Variants in MAML3 observed in about 807,000 individuals in gnomAD.
MAML3 encodes the protein mastermind like transcriptional coactivator 3, also known as mastermind-like protein 3.
MAML3 carries 27 observed loss-of-function variants against 101.9 expected under a neutral mutation model. The observed-to-expected ratio is 0.27, with a 90% CI of 0.20 to 0.37. The LOEUF (loss-of-function observed/expected upper bound fraction) is 0.37. MAML3 is among the 10% of genes least tolerant of loss of function. The pLI, the probability that MAML3 is intolerant of heterozygous loss-of-function variation, is 1.00. For missense variants in MAML3, 1,316 were observed against 1,444.9 expected, an observed-to-expected ratio of 0.91 and a Z score of 1.45; for synonymous variants, 501 against 555.9, an observed-to-expected ratio of 0.90 and a Z score of 1.39.
intron 1 of MAML3, among the ~76,000 whole-genome samples, chr4:140,060,510 T>A (rs1236809650): frequency 2.0e-5 from 3 of 152,038 alleles, no homozygotes; most frequent in Non-Finnish European, 4.4e-5. Flanking sequence ...TATAAGAATT[T>A]CTTTGAACAG....
chr4:139,792,993 G>T (rs1177188028), intron 2 of MAML3, among the ~76,000 whole-genome samples: 1 of 151,978 alleles, frequency 6.6e-6, no homozygotes, highest in East Asian at 1.9e-4. Flanking sequence ...TGATCCGCCC[G>T]CCTCGGCCTC....
rs1239534891 is a variant in MAML3 at position 139,785,539 on chromosome 4, G to C, written c.2080-54872C>G. Among the ~76,000 whole-genome samples the C allele has an allele frequency of 6.6e-6, 1 of 152,174 alleles. No homozygotes were observed. The highest frequency in any genetic ancestry group is 1.9e-4 in the East Asian group (1 of 5,198). On this transcript the variant is annotated intron_variant, in intron 2 of 4. Transcript: ENST00000509479. This position sits in a 1 kb window ranked among gnomAD's most constrained non-coding sequence, Gnocchi z 4.3. The stretch of plus-strand genomic sequence containing the variant: ...GGAACAGGTTGCATGTGGTTGCTGG[G>C]CTGTTGCTTGGCTGGTGCTGCACTG...
At chr4:139,877,742 T>A (rs1245071121) in intron 2 of MAML3, among the ~76,000 whole-genome samples, 2 of 152,148 alleles carry the variant, frequency 1.3e-5, no homozygotes, top group African/African-American at 2.4e-5. Context: ...AAGTAGTACC[T>A]CAGAAAACTG....
intron 1 of MAML3, among the ~76,000 whole-genome samples, chr4:139,935,298 T>G (rs1018441252): frequency 1.3e-5 from 2 of 151,874 alleles, no homozygotes; most frequent in Non-Finnish European, 2.9e-5. Flanking sequence ...CAGCCATAAG[T>G]GCAATAAATG....
At position 139,798,088 on chromosome 4, in the gene MAML3, G is replaced by C. The variant is rs543706526; in HGVS notation, c.2080-67421C>G. 5.2e-5 allele frequency among the ~76,000 whole-genome samples: 6 copies of C among 114,464 alleles called. No homozygotes were observed. The South Asian group carries it at 1.9e-3, about 37-fold the overall frequency. 75.1% of individuals were successfully genotyped at this position (114,464 alleles called of 152,430 possible). On this transcript the variant is annotated intron_variant, in intron 2 of 4. Transcript: ENST00000509479. ...AGAAAGAAAGAAAGAAAGAAAGAAAGAAAGAAAAGGGATTAAGAAAGCATG... is the reference window on the plus strand; with the variant it reads ...AGAAAGAAAGAAAGAAAGAAAGAAACAAAGAAAAGGGATTAAGAAAGCATG...
intron 1 of MAML3, among the ~76,000 whole-genome samples, chr4:139,949,535 T>A (rs1284504793): frequency 6.6e-6 from 1 of 152,244 alleles, no homozygotes; most frequent in Non-Finnish European, 1.5e-5. Flanking sequence ...CAGTCTGGCT[T>A]GTAACATAAC....
intron 3 of MAML3, 93 bp from the exon 4 acceptor site, chr4:139,725,928 TC>T: frequency 2.0e-6 from 2 of 1,013,036 alleles, no homozygotes; most frequent in Non-Finnish European, 3.0e-6. Flanking sequence ...GGTAGTGTTT[TC>T]CCCAAAACTA....
chr4:140,093,977 C>G (rs1728107519), intron 1 of MAML3, among the ~76,000 whole-genome samples: 1 of 152,196 alleles, frequency 6.6e-6, no homozygotes, highest in African/African-American at 2.4e-5. Context: ...GTAACCACAG[C>G]AGGAGGGCCA....
chr4:140,110,797 C>T (rs1191103519), intron 1 of MAML3, among the ~76,000 whole-genome samples: 2 of 152,182 alleles, frequency 1.3e-5, no homozygotes, highest in Non-Finnish European at 2.9e-5. Context: ...TCCACAGGAA[C>T]AAAATCGTGC....
chr4:139,808,944 ATGTG>A (rs1211616535), intron 2 of MAML3, among the ~76,000 whole-genome samples: 1 of 151,918 alleles, frequency 6.6e-6, no homozygotes. Flanking sequence ...GTGAGTGTGC[ATGTG>A]TGTGTGTGTT....
At chr4:139,747,069 T>C (rs1729349646) in intron 2 of MAML3, among the ~76,000 whole-genome samples, 1 of 152,172 alleles carries the variant, frequency 6.6e-6, no homozygotes, top group South Asian at 2.1e-4. Flanking sequence ...CTTAGTGGTT[T>C]TGTCTTGTGC....
At chr4:140,053,448 C>T (rs1276183411) in intron 1 of MAML3, among the ~76,000 whole-genome samples, 1 of 152,162 alleles carries the variant, frequency 6.6e-6, no homozygotes, top group Admixed American at 6.5e-5. Flanking sequence ...CTGCAGGGGC[C>T]ACATTCCCAG....
At chr4:139,938,247 C>G (rs1480651160) in intron 1 of MAML3, among the ~76,000 whole-genome samples, 7 of 152,192 alleles carry the variant, frequency 4.6e-5, no homozygotes, top group African/African-American at 1.7e-4. Flanking sequence ...AGAAAGGAAA[C>G]AGCAATGCTA....
chr4:139,825,202 G>T (rs1212844450), intron 2 of MAML3, among the ~76,000 whole-genome samples: 1 of 152,124 alleles, frequency 6.6e-6, no homozygotes, highest in Non-Finnish European at 1.5e-5. Context: ...AAAAAAATTA[G>T]AATTTCTTTC....
At chr4:140,034,450 G>T (rs1433991644) in intron 1 of MAML3, among the ~76,000 whole-genome samples, 1 of 152,212 alleles carries the variant, frequency 6.6e-6, no homozygotes, top group Non-Finnish European at 1.5e-5. Context: ...GAGAAAGAAA[G>T]ATTTTACTGG....
intron 4 of MAML3, among the ~76,000 whole-genome samples, chr4:139,721,060 A>G (rs1728212702): frequency 6.6e-6 from 1 of 152,250 alleles, no homozygotes; most frequent in African/African-American, 2.4e-5. Flanking sequence ...TGAGCTAGAA[A>G]AAGAAATCAT....
At chr4:139,939,006 T>C (rs1006339610) in intron 1 of MAML3, among the ~76,000 whole-genome samples, 29 of 152,256 alleles carry the variant, frequency 1.9e-4, no homozygotes, top group African/African-American at 5.8e-4. Flanking sequence ...CTCTGCGCAC[T>C]GTGAAGACTG....
intron 2 of MAML3, among the ~76,000 whole-genome samples, chr4:139,849,900 G>T (rs940248846): frequency 3.3e-5 from 5 of 152,162 alleles, no homozygotes; most frequent in Non-Finnish European, 7.4e-5. Context: ...GAGTTACAGA[G>T]AAAATGATCT....
chr4:139,920,307 A>G (rs971676987), intron 1 of MAML3, among the ~76,000 whole-genome samples: 1 of 152,156 alleles, frequency 6.6e-6, no homozygotes, highest in African/African-American at 2.4e-5. Context: ...TGGCCCTGTC[A>G]CTTTATATGA....
Sources: gnomAD v4.1 joint callset for allele counts (sites outside exome capture counted in the v4.1 genomes callset) on GRCh38, gnomAD v4.1.1 for gene constraint, Gnocchi (gnomAD v3.1) non-coding constraint, MANE v1.5 for transcripts, NCBI Gene and HGNC (gene_info 2026-07-23, HGNC 2026-07-21) for gene names.